GDF10: variants seen among roughly 807,000 people sequenced by gnomAD.
GDF10 encodes growth/differentiation factor 10.
A neutral mutation model predicts 32.1 loss-of-function variants in GDF10; 23 were observed. The observed-to-expected ratio is 0.72, with a 90% CI of 0.52 to 1.02. The LOEUF (loss-of-function observed/expected upper bound fraction) is 1.02, where lower values mean the gene tolerates loss of function less well. Ranked by LOEUF, GDF10 falls within the 50% of genes least tolerant of loss-of-function variation. The pLI, the probability that GDF10 is intolerant of heterozygous loss-of-function variation, is 0.00. For missense variants in GDF10, 764 were observed against 673.9 expected (o/e 1.13, Z -1.48); for synonymous variants, 328 against 303.1 (o/e 1.08, Z -0.85).
At position 47,306,556 on chromosome 10, in the gene GDF10, A is replaced by C. The variant is rs115799862; in HGVS notation, c.320-3240A>C. Among the ~76,000 whole-genome samples, 1,375 of 152,342 alleles carry C rather than the reference A, an allele frequency of 9.0e-3. 20 individuals carry two copies. The highest frequency in any genetic ancestry group is 0.032 in the African/African-American group (1,320 of 41,574). On this transcript the variant is annotated intron_variant, in intron 1 of 2. Coordinates refer to ENST00000580279, the MANE Select transcript of GDF10 (RefSeq NM_004962.5). ...GGTCTAGCGGTGCAGTAGTGAATAAAACTGGCAGTGTCCCTGTCCCGTTAG... is the reference window on the plus strand; with the variant it reads ...GGTCTAGCGGTGCAGTAGTGAATAACACTGGCAGTGTCCCTGTCCCGTTAG...
Position 47,300,728 on chromosome 10 carries a change from T to C in GDF10, c.77T>C (p.Leu26Pro). 6.3e-7 allele frequency: 1 copy of C among 1,582,016 alleles called. No homozygotes were observed. Among genetic ancestry groups the C allele is most frequent in the Non-Finnish European group, 8.6e-7 (1 of 1,167,468 alleles). The change falls in exon 1 of 3, where the codon CTG (leucine) becomes CCG (proline). Residue 26 changes from leucine (L) to proline (P), a missense_variant. Coordinates refer to ENST00000580279, the MANE Select transcript of GDF10 (RefSeq NM_004962.5). ...LLLLLLPLFL[L>P]LLRDVAGSHR... ...CTGCTGCTGCTGCCGTTGTTTCTGC[T>C]GTTGCTCCGGGATGTGGCCGGCAGC...
chr10:47,310,714 T>C lies in GDF10; in HGVS notation c.1238T>C (p.Met413Thr). ...TGCGCGGGAGCATGTGAGTTCCCCA[T>C]GCCTAAGGTAGGGTTTCTTCCGCCT... ...YYCAGACEFP[M>T]PKIVRPSNHA... The change falls in exon 2 of 3, where the codon ATG becomes ACG. Residue 413 changes from methionine to threonine, a missense_variant. Physicochemically the swap from Met to Thr is moderately conservative, Grantham distance 81. Coordinates refer to ENST00000580279, the MANE Select transcript of GDF10 (RefSeq NM_004962.5). The C allele has an allele frequency of 6.2e-7, 1 of 1,608,148 alleles. No individual in the cohort carries two copies. Among genetic ancestry groups the C allele is most frequent in the South Asian group, 1.1e-5 (1 of 90,976 alleles).
intron 1 of GDF10, among the ~76,000 whole-genome samples, chr10:47,304,566 A>G (rs2061016319): frequency 1.3e-5 from 2 of 152,174 alleles, no homozygotes; most frequent in Admixed American, 6.5e-5. Context: ...AATTGTTAGT[A>G]TGATATTTTG....
chr10:47,308,023 G>A (rs1459761348), intron 1 of GDF10, among the ~76,000 whole-genome samples: 2 of 152,190 alleles, frequency 1.3e-5, no homozygotes, highest in African/African-American at 2.4e-5. Flanking sequence ...TCAGGGCGTG[G>A]CGCCACTGAG....
At chr10:47,308,495 C>T (rs11598444) in intron 1 of GDF10, among the ~76,000 whole-genome samples, 15,748 of 152,106 alleles carry the variant, frequency 0.1, 1,002 homozygotes, top group South Asian at 0.15. Flanking sequence ...TGAACAATCC[C>T]AGTTGAATTA....
intron 1 of GDF10, among the ~76,000 whole-genome samples, chr10:47,305,564 G>A (rs1428813697): frequency 1.3e-5 from 2 of 152,216 alleles, no homozygotes; most frequent in Admixed American, 6.5e-5. Flanking sequence ...TAAGCCCAGC[G>A]TTCTCACTGA....
chr10:47,313,442 A>G lies in GDF10; in HGVS notation c.*650A>G, dbSNP rs2061054559. On this transcript the variant is annotated 3_prime_UTR_variant, in exon 3 of 3. Coordinates refer to ENST00000580279, the MANE Select transcript of GDF10 (RefSeq NM_004962.5). ...AAACATGCATATTGAAATAACACAT[A>G]TAGTAACGTGGGAATACTAAAAAAT... 1 of 152,656 alleles carries G rather than the reference A, an allele frequency of 6.6e-6. No individual in the cohort carries two copies. The highest frequency in any genetic ancestry group is 2.4e-5 in the African/African-American group (1 of 41,460). The allele number at this position is 152,656 out of a possible 1,614,324, so 9.5% of individuals were successfully genotyped here.
Position 47,300,746 on chromosome 10 carries a change from C to T in GDF10, c.95C>T (p.Ala32Val). Residue 32 changes from alanine (A) to valine (V), a missense_variant, in exon 1 of 3, where the codon GCC (alanine) becomes GTC (valine). By Grantham distance (64) the Ala-to-Val change is moderately conservative (BLOSUM62 0). Transcript: ENST00000580279. ...TTTCTGCTGTTGCTCCGGGATGTGGCCGGCAGCCACAGGGCCCCCGCCTGG... is the reference window on the plus strand; with the variant it reads ...TTTCTGCTGTTGCTCCGGGATGTGGTCGGCAGCCACAGGGCCCCCGCCTGG... Reference protein sequence around the residue: ...PLFLLLLRDVAGSHRAPAWSA... With the variant: ...PLFLLLLRDVVGSHRAPAWSA... 1 of 1,558,854 alleles carries T rather than the reference C, an allele frequency of 6.4e-7. No homozygotes were observed. The highest frequency in any genetic ancestry group is 8.6e-7 in the Non-Finnish European group (1 of 1,156,944).
chr10:47,301,792 C>T (rs1194538829), intron 1 of GDF10, among the ~76,000 whole-genome samples: 4 of 152,184 alleles, frequency 2.6e-5, no homozygotes, highest in African/African-American at 9.7e-5. Flanking sequence ...GAATAATGTT[C>T]CAGAAAATGT....
rs1305062873 is a variant in GDF10 at position 47,313,527 on chromosome 10, G to A, written c.*735G>A. On this transcript the variant is annotated 3_prime_UTR_variant, in exon 3 of 3. Coordinates refer to ENST00000580279, the MANE Select transcript of GDF10 (RefSeq NM_004962.5). ...CTATACTGTAGATTGTGTATGTTAT[G>A]TGTTTTTATGGAAAGCTAATAAATT... is the stretch of plus-strand genomic sequence containing the variant. 6.6e-6 allele frequency: 1 copy of A among 152,586 alleles called. No homozygotes were observed. Among genetic ancestry groups the A allele is most frequent in the East Asian group, 1.9e-4 (1 of 5,202 alleles). 9.5% of individuals were successfully genotyped at this position (152,586 alleles called of 1,614,324 possible).
chr10:47,304,911 G>A (rs1555207085), intron 1 of GDF10, among the ~76,000 whole-genome samples: 1 of 152,216 alleles, frequency 6.6e-6, no homozygotes, highest in African/African-American at 2.4e-5. Flanking sequence ...TCTTTACACA[G>A]TAAGGATCTT....
At position 47,300,353 on chromosome 10, in the gene GDF10, A is replaced by G. The variant is rs1422502611; in HGVS notation, c.-299A>G. The G allele has an allele frequency of 3.6e-5, 11 of 305,080 alleles. No homozygotes were observed. Among genetic ancestry groups the G allele is most frequent in the Admixed American group, 5.1e-5 (1 of 19,466 alleles). 18.9% of individuals were successfully genotyped at this position (305,080 alleles called of 1,614,324 possible). A position where few individuals can be genotyped will look rare whatever the true frequency, so the allele number is the denominator to read the frequency against. Reference sequence around the variant, plus strand: ...CGGGCCGGGCGCGCAGTGGGCTACAAACTTTCGCGGCGCGAGTCCGCCAAG... The same window carrying G: ...CGGGCCGGGCGCGCAGTGGGCTACAGACTTTCGCGGCGCGAGTCCGCCAAG... On this transcript the variant is annotated 5_prime_UTR_variant, in exon 1 of 3. Transcript: ENST00000580279.
rs1555207440 is a variant in GDF10 at position 47,309,983 on chromosome 10, C to CCAGCACCTGCTCTTCCG, written c.512_528dup (p.Leu177ThrfsTer75). Reference sequence around the variant, plus strand: ...CGCTGCCCCTGGGCCCGCCCACACGCCAGCACCTGCTCTTCCGCAGCCTCT... The same window carrying CCAGCACCTGCTCTTCCG: ...CGCTGCCCCTGGGCCCGCCCACACGCCAGCACCTGCTCTTCCGCAGCACCTGCTCTTCCGCAGCCTCT... On this transcript the variant is annotated frameshift_variant, in exon 2 of 3. Coordinates refer to ENST00000580279, the MANE Select transcript of GDF10 (RefSeq NM_004962.5). LOFTEE classifies it high-confidence loss of function. 1.9e-6 allele frequency: 3 copies of CCAGCACCTGCTCTTCCG among 1,611,318 alleles called. No individual in the cohort carries two copies. The highest frequency in any genetic ancestry group is 1.7e-5 in the Admixed American group (1 of 59,918).
intron 1 of GDF10, among the ~76,000 whole-genome samples, chr10:47,305,601 G>A (rs1205529450): frequency 6.6e-6 from 1 of 152,228 alleles, no homozygotes; most frequent in Admixed American, 6.5e-5. Flanking sequence ...TTGAGGGGCA[G>A]TGGGTGAAGG....
chr10:47,307,185 C>G (rs2061026041), intron 1 of GDF10, among the ~76,000 whole-genome samples: 1 of 152,076 alleles, frequency 6.6e-6, no homozygotes, highest in Non-Finnish European at 1.5e-5. Context: ...TGTTATGACC[C>G]TGGTCAGCCC....
intron 2 of GDF10, among the ~76,000 whole-genome samples, chr10:47,310,942 T>C (rs1382151497): frequency 6.6e-6 from 1 of 152,200 alleles, no homozygotes; most frequent in Non-Finnish European, 1.5e-5. Flanking sequence ...TTTTTTGAAG[T>C]ATTGGCTTGG....
At chr10:47,307,351 A>G (rs753450632) in intron 1 of GDF10, among the ~76,000 whole-genome samples, 6 of 152,208 alleles carry the variant, frequency 3.9e-5, no homozygotes, top group African/African-American at 9.7e-5. Flanking sequence ...GAGAAAAGAC[A>G]TGAATCACAG....
rs781959066 is a variant in GDF10 at position 47,300,694 on chromosome 10, C to A, written c.43C>A (p.Gln15Lys). The A allele has an allele frequency of 6.2e-7, 1 of 1,601,988 alleles. No homozygotes were observed. The highest frequency in any genetic ancestry group is 1.1e-5 in the South Asian group (1 of 90,298). Residue 15 changes from glutamine to lysine, a missense_variant, in exon 1 of 3, where the codon CAG becomes AAG. Gln to Lys is a moderately conservative substitution (Grantham distance 53). Transcript: ENST00000580279. ...TCGGACCAGCCCGGGACCCGGGCCC[C>A]AGCTGCTGCTGCTGCTGCTGCCGTT... ...PARTSPGPGP[Q>K]LLLLLLPLFL...
intron 1 of GDF10, 88 bp from the exon 2 acceptor site, chr10:47,309,707 GT>G: frequency 1.3e-6 from 1 of 779,912 alleles, no homozygotes; most frequent in Non-Finnish European, 2.1e-6. Context: ...GTGTGGATCG[GT>G]GGGCGTTTGC....
Sources: gnomAD v4.1 joint callset for allele counts (sites outside exome capture counted in the v4.1 genomes callset) on GRCh38, gnomAD v4.1.1 for gene constraint, MANE v1.5 for transcripts, NCBI Gene and HGNC (gene_info 2026-07-23, HGNC 2026-07-21) for gene names.